NECAB2: variants seen among roughly 807,000 people sequenced by gnomAD.
The protein encoded by NECAB2 is N-terminal EF-hand calcium-binding protein 2.
NECAB2 carries 68 observed loss-of-function variants against 51.9 expected under a neutral mutation model. That is an observed-to-expected ratio of 1.31 (90% CI 1.08 to 1.60). NECAB2 has a LOEUF of 1.60. Among genes scored for constraint, NECAB2 ranks in the 40% most tolerant of loss-of-function variants. The pLI, the probability that NECAB2 is intolerant of heterozygous loss-of-function variation, is 0.00. For synonymous variants in NECAB2, 329 were observed against 203.5 expected (o/e 1.62, Z -5.25); for missense variants, 854 against 490.3 (o/e 1.74, Z -7.00).
chr16:83,972,524 C>G (rs1259943825), intron 2 of NECAB2, among the ~76,000 whole-genome samples: 4 of 152,234 alleles, frequency 2.6e-5, no homozygotes, highest in Admixed American at 6.5e-5. Context: ...CCCAGAAACC[C>G]TCCTTGAAAG....
At chr16:83,997,328 A>G in intron 9 of NECAB2, 59 bp downstream of exon 9, 1 of 1,608,110 alleles carries the variant, frequency 6.2e-7, no homozygotes, top group South Asian at 1.1e-5. Context: ...CAGGACTGCC[A>G]AGATCCAAGT....
At chr16:83,995,817 C>G (rs1027045973) in intron 8 of NECAB2, among the ~76,000 whole-genome samples, 2 of 152,196 alleles carry the variant, frequency 1.3e-5, no homozygotes, top group African/African-American at 4.8e-5. Context: ...AGGGATGAGG[C>G]TGAGGTGGAG....
intron 2 of NECAB2, among the ~76,000 whole-genome samples, chr16:83,976,559 T>C (rs1054887876): frequency 1.3e-5 from 2 of 152,166 alleles, no homozygotes; most frequent in East Asian, 3.8e-4. Context: ...ATTTCACTTA[T>C]CTCGTGGCTG....
upstream of NECAB2, among the ~76,000 whole-genome samples, chr16:83,966,686 C>T (rs2084284170): frequency 6.6e-6 from 1 of 152,174 alleles, no homozygotes; most frequent in Non-Finnish European, 1.5e-5. Flanking sequence ...CTCTGCCTGC[C>T]CCAAGGCCTT....
chr16:83,990,553 G>A lies in NECAB2; in HGVS notation c.519G>A (p.Thr173=), dbSNP rs139456465. The A allele has an allele frequency of 8.1e-5, 130 of 1,614,160 alleles. No individual in the cohort carries two copies. The highest frequency in any genetic ancestry group is 4.0e-4 in the African/African-American group (30 of 75,046). ...QFVTRFLLKE[T]ANQIQSLLSS... ...TGACCCGCTTCCTCCTGAAGGAGAC[G>A]GCCAATCAGATCCAGTCGCTGCTGA... is the stretch of plus-strand genomic sequence containing the variant. The change falls in exon 6 of 13, where the codon ACG becomes ACA. Residue 173 remains threonine (T), a synonymous_variant. Coordinates refer to ENST00000305202, the MANE Select transcript of NECAB2 (RefSeq NM_019065.3).
chr16:83,967,064 G>A (rs2084289142), upstream of NECAB2, among the ~76,000 whole-genome samples: 1 of 152,100 alleles, frequency 6.6e-6, no homozygotes, highest in African/African-American at 2.4e-5. Context: ...TAGAGACGGG[G>A]TTTCACCATG....
At chr16:83,989,035 A>T (rs1238575544) in intron 5 of NECAB2, among the ~76,000 whole-genome samples, 1 of 152,198 alleles carries the variant, frequency 6.6e-6, no homozygotes, top group Admixed American at 6.5e-5. Context: ...TTGATCGCTG[A>T]CCACATCTTC....
At chr16:83,998,864 C>T (rs1182721659) in intron 10 of NECAB2, among the ~76,000 whole-genome samples, 1 of 152,176 alleles carries the variant, frequency 6.6e-6, no homozygotes, top group Non-Finnish European at 1.5e-5. Flanking sequence ...AATTCCTGTT[C>T]ATCCCACCAG....
Position 84,002,378 on chromosome 16 carries a change from C to A in NECAB2, c.*32C>A. On this transcript the variant is annotated 3_prime_UTR_variant, in exon 13 of 13. Transcript: ENST00000305202. ...CCCAGAGGCCCGTGGAGGAGCCCAC[C>A]AGCCCCTTCTTCTTGTGAAGGAAAT... The A allele has an allele frequency of 5.0e-6, 8 of 1,609,328 alleles. No homozygotes were observed. The highest frequency in any genetic ancestry group is 6.8e-6 in the Non-Finnish European group (8 of 1,177,484).
At chr16:83,974,590 C>CGG (rs1293412570) in intron 2 of NECAB2, among the ~76,000 whole-genome samples, 1 of 152,182 alleles carries the variant, frequency 6.6e-6, no homozygotes, top group African/African-American at 2.4e-5. Context: ...TTGTGATCCT[C>CGG]CTGAGACAAG....
upstream of NECAB2, among the ~76,000 whole-genome samples, chr16:83,967,951 T>C (rs541053115): frequency 8.1e-5 from 12 of 147,490 alleles, no homozygotes; most frequent in South Asian, 2.2e-3. Flanking sequence ...GATGGATGTA[T>C]AGATGGATTG....
At chr16:83,973,845 C>T (rs1456160901) in intron 2 of NECAB2, among the ~76,000 whole-genome samples, 2 of 151,966 alleles carry the variant, frequency 1.3e-5, no homozygotes, top group Admixed American at 1.3e-4. Flanking sequence ...TGCGTGTGTC[C>T]AGCGTGGGCC....
chr16:83,965,579 G>A (rs144212833), upstream of NECAB2: 166 of 1,612,982 alleles, frequency 1.0e-4, no homozygotes, highest in Middle Eastern at 3.3e-4. Flanking sequence ...GCTGTACCCC[G>A]AGTACCACAA....
rs959912979 is a variant in NECAB2 at position 83,968,392 on chromosome 16, C to A, written c.-257C>A. Among the ~76,000 whole-genome samples, 1 of 149,856 alleles carries A rather than the reference C, an allele frequency of 6.7e-6. No homozygotes were observed. Among genetic ancestry groups the A allele is most frequent in the Non-Finnish European group, 1.5e-5 (1 of 67,350 alleles). Reference sequence around the variant, plus strand: ...AGCCCCCTCTGTGGCTGCGCCCGCGCCCCTCGCCCCGGCGGGCAGTCCTCA... The same window carrying A: ...AGCCCCCTCTGTGGCTGCGCCCGCGACCCTCGCCCCGGCGGGCAGTCCTCA... On this transcript the variant is annotated 5_prime_UTR_variant, in exon 1 of 13. Coordinates refer to ENST00000305202, the MANE Select transcript of NECAB2 (RefSeq NM_019065.3).
At chr16:83,965,654 C>T (rs754441976), upstream of NECAB2, 17 of 1,613,322 alleles carry the variant, frequency 1.1e-5, no homozygotes, top group Non-Finnish European at 1.4e-5. Flanking sequence ...TTACCGCAGC[C>T]TCCCCAGGCA....
intron 6 of NECAB2, among the ~76,000 whole-genome samples, chr16:83,993,023 G>A (rs2084645883): frequency 6.6e-6 from 1 of 152,204 alleles, no homozygotes. Context: ...CTGCCCCCAT[G>A]GTGGGGACCT....
chr16:83,992,823 G>A (rs2084643465), intron 6 of NECAB2, among the ~76,000 whole-genome samples: 1 of 152,186 alleles, frequency 6.6e-6, no homozygotes, highest in African/African-American at 2.4e-5. Flanking sequence ...TGATTCTTGG[G>A]TGCCCCAGAA....
At chr16:83,999,115 TGA>T (rs891524625) in intron 10 of NECAB2, among the ~76,000 whole-genome samples, 2 of 152,160 alleles carry the variant, frequency 1.3e-5, no homozygotes, top group African/African-American at 4.8e-5. Context: ...ACAGGGTCTT[TGA>T]GAGGGGTCTT....
intron 5 of NECAB2, among the ~76,000 whole-genome samples, chr16:83,986,861 C>T (rs756590784): frequency 2.0e-5 from 3 of 152,018 alleles, no homozygotes; most frequent in Non-Finnish European, 2.9e-5. Flanking sequence ...TGGTCTATAT[C>T]CACAGAGTTT....
Sources: allele counts gnomAD v4.1 joint callset (sites outside exome capture counted in the v4.1 genomes callset), GRCh38; gene constraint gnomAD v4.1.1; transcripts MANE v1.5; gene names NCBI Gene and HGNC (gene_info 2026-07-23, HGNC 2026-07-21).